The following CCDC57 variants were observed in gnomAD, a reference collection of about 807,000 sequenced individuals.
CCDC57 encodes the protein coiled-coil domain-containing protein 57.
CCDC57 carries 118 observed loss-of-function variants against 118.9 expected under a neutral mutation model. The observed-to-expected ratio is 0.99, with a 90% CI of 0.86 to 1.16. The LOEUF (loss-of-function observed/expected upper bound fraction) is 1.16. Ranked by LOEUF, CCDC57 falls within the 50% of genes most tolerant of loss-of-function variation. The pLI is 0.00. For synonymous variants in CCDC57, 527 were observed against 532.9 expected, an observed-to-expected ratio of 0.99 and a Z score of 0.15; for missense variants, 1,300 against 1,320.7, an observed-to-expected ratio of 0.98 and a Z score of 0.24.
chr17:82,165,430 G>A (rs551607811), intron 13 of CCDC57, among the ~76,000 whole-genome samples: 58 of 151,748 alleles, frequency 3.8e-4, no homozygotes, highest in African/African-American at 1.3e-3. Context: ...GGAGTCCCTC[G>A]TCTCCTTCCT....
chr17:82,108,154 G>A (rs921860300), intron 19 of CCDC57, among the ~76,000 whole-genome samples: 2 of 152,212 alleles, frequency 1.3e-5, no homozygotes, highest in East Asian at 1.9e-4. Flanking sequence ...TGGCCAGGCC[G>A]CAGTCCTTGA....
intron 17 of CCDC57, among the ~76,000 whole-genome samples, chr17:82,132,139 G>GTTTTTGGGTTCTGGGTGACAGAGCC (rs2038483140): frequency 7.4e-6 from 1 of 134,688 alleles, no homozygotes; most frequent in African/African-American, 2.8e-5. Flanking sequence ...AAAAAAAAAA[G>GTTTTTGGGTTCTGGGTGACAGAGCC]AATAAATAAG....
chr17:82,148,942 GGGTGGATGGT>G (rs1325272536), intron 16 of CCDC57, among the ~76,000 whole-genome samples: 2 of 97,012 alleles, frequency 2.1e-5, no homozygotes, highest in Admixed American at 2.4e-4. Flanking sequence ...ATGGGTGGGT[GGGTGGATGGT>G]AGATGGATGG....
At chr17:82,199,852 T>G (rs995812793) in intron 3 of CCDC57, among the ~76,000 whole-genome samples, 1 of 152,088 alleles carries the variant, frequency 6.6e-6, no homozygotes, top group Non-Finnish European at 1.5e-5. Context: ...GGCACACGGG[T>G]GTCTACCACA....
chr17:82,153,158 G>A (rs2042270034), intron 15 of CCDC57, among the ~76,000 whole-genome samples: 2 of 152,148 alleles, frequency 1.3e-5, no homozygotes, highest in Non-Finnish European at 2.9e-5. Context: ...GCTCTTGGGT[G>A]TGGGAGAGGC....
chr17:82,160,852 C>A (rs1480108933), intron 14 of CCDC57, among the ~76,000 whole-genome samples: 1 of 110,664 alleles, frequency 9.0e-6, no homozygotes, highest in Non-Finnish European at 1.7e-5. Context: ...CCAGCCTGGG[C>A]GACACAGCAA....
At chr17:82,123,339 G>C (rs2036993523) in intron 19 of CCDC57, among the ~76,000 whole-genome samples, 1 of 146,374 alleles carries the variant, frequency 6.8e-6, no homozygotes, top group Non-Finnish European at 1.5e-5. Context: ...ACATTGTCCA[G>C]GCTGGTGTGG....
chr17:82,210,178 A>G (rs2050068891), intron 1 of CCDC57, among the ~76,000 whole-genome samples: 1 of 152,166 alleles, frequency 6.6e-6, no homozygotes, highest in Non-Finnish European at 1.5e-5. Flanking sequence ...GTTAGAATCC[A>G]TGGAATAAAA....
chr17:82,124,534 C>T (rs972909939), intron 19 of CCDC57, among the ~76,000 whole-genome samples: 1 of 152,036 alleles, frequency 6.6e-6, no homozygotes, highest in Admixed American at 6.6e-5. Context: ...GGCTCATGCC[C>T]GTAATCCCAG....
chr17:82,141,168 G>A (rs564847293), intron 16 of CCDC57, among the ~76,000 whole-genome samples: 62 of 140,634 alleles, frequency 4.4e-4, no homozygotes, highest in South Asian at 4.1e-3. Flanking sequence ...GTGCCACCAC[G>A]CCCGGCTAAT....
intron 2 of CCDC57, among the ~76,000 whole-genome samples, chr17:82,207,349 AAAC>A (rs2049791670): frequency 6.6e-6 from 1 of 152,076 alleles, no homozygotes. Context: ...AAAAAAAAAA[AAAC>A]AAAAAAGAAA....
intron 1 of CCDC57, among the ~76,000 whole-genome samples, chr17:82,209,469 C>G (rs569344645): frequency 2.4e-4 from 37 of 152,088 alleles, no homozygotes; most frequent in Non-Finnish European, 4.0e-4. Context: ...TTGTAATAAA[C>G]TCACAGGTTT....
chr17:82,181,811 A>G (rs1267999379), intron 9 of CCDC57, among the ~76,000 whole-genome samples: 2 of 152,224 alleles, frequency 1.3e-5, no homozygotes, highest in African/African-American at 4.8e-5. Context: ...AAGAAGGAAC[A>G]TTGGAATCAA....
At chr17:82,130,266 T>C (rs2038129840) in intron 17 of CCDC57, among the ~76,000 whole-genome samples, 2 of 151,938 alleles carry the variant, frequency 1.3e-5, no homozygotes, top group Admixed American at 1.3e-4. Flanking sequence ...TGATCTCAGC[T>C]CACTGCAACC....
Position 82,190,651 on chromosome 17 carries a change from C to T in CCDC57, c.852-2232G>A, listed in dbSNP as rs1049982753. On this transcript the variant is annotated intron_variant, in intron 7 of 19. Coordinates refer to ENST00000665763, the Ensembl canonical transcript of CCDC57. ...CAGAGGTTGCAGCGAGCTGAGATTG[C>T]ACCACTGCACCATCTGCCTGGGCAA... Among the ~76,000 whole-genome samples the T allele has an allele frequency of 1.0e-4, 15 of 145,582 alleles. No individual in the cohort carries two copies. The Admixed American group carries it at 1.1e-3, about 10-fold the overall frequency.
Position 82,157,745 on chromosome 17 carries a change from C to T in CCDC57, c.2241+3G>A. 6.3e-7 allele frequency: 1 copy of T among 1,587,182 alleles called. No homozygotes were observed. Among genetic ancestry groups the T allele is most frequent in the Non-Finnish European group, 8.6e-7 (1 of 1,169,484 alleles). On this transcript the variant is annotated splice_donor_region_variant and intron_variant, in intron 15 of 19. Transcript: ENST00000665763. The stretch of plus-strand genomic sequence containing the variant: ...GTGGCAGGAGGAGCTAGCGGGCACC[C>T]ACCTCTCTCCCAAGGGCCACGGCGT...
chr17:82,171,576 T>C, intron 13 of CCDC57, 125 bp downstream of exon 12: 1 of 989,382 alleles, frequency 1.0e-6, no homozygotes, highest in Admixed American at 2.6e-5. Context: ...GCTGCTGGGC[T>C]GGATGACGCC....
chr17:82,184,023 G>GCT, intron 8 of CCDC57, 91 bp from the exon 8 acceptor site: 1 of 383,922 alleles, frequency 2.6e-6, no homozygotes. Flanking sequence ...ACATGCGCGC[G>GCT]CGCGCGCGCA....
chr17:82,159,912 G>C (rs2043115985), intron 14 of CCDC57: 1 of 151,774 alleles, frequency 6.6e-6, no homozygotes, highest in Non-Finnish European at 1.5e-5. Flanking sequence ...CTGGTGATCT[G>C]CCCATCTTGG....
Sources: allele counts gnomAD v4.1 joint callset (sites outside exome capture counted in the v4.1 genomes callset), GRCh38; gene constraint gnomAD v4.1.1; transcripts MANE v1.5; gene names NCBI Gene and HGNC (gene_info 2026-07-23, HGNC 2026-07-21).